CHRM3: variants seen among roughly 807,000 people sequenced by gnomAD.
The protein encoded by CHRM3 is muscarinic acetylcholine receptor M3.
Under a neutral mutation model 41.8 loss-of-function variants are expected in CHRM3, and 11 were observed. That is an observed-to-expected ratio of 0.26 (90% CI 0.17 to 0.44). CHRM3 has a LOEUF of 0.44. Among genes scored for constraint, CHRM3 ranks in the 20% least tolerant of loss-of-function variants. The pLI is 1.00. For missense variants in CHRM3, 571 were observed against 745.4 expected, an observed-to-expected ratio of 0.77 and a Z score of 2.72; for synonymous variants, 297 against 301.4, an observed-to-expected ratio of 0.99 and a Z score of 0.15.
chr1:239,457,964 A>G (rs902869043), intron 1 of CHRM3, among the ~76,000 whole-genome samples: 32 of 152,264 alleles, frequency 2.1e-4, no homozygotes, highest in African/African-American at 7.7e-4. Context: ...ATGGGAAGGT[A>G]GAAATTTGTG....
At chr1:239,709,782 TAA>T in intron 5 of CHRM3, among the ~76,000 whole-genome samples, 1 of 152,342 alleles carries the variant, frequency 6.6e-6, no homozygotes, top group East Asian at 1.9e-4. Context: ...AATTTGAAAT[TAA>T]AGAGATTAAC....
chr1:239,412,222 T>C (rs1661136418), intron 1 of CHRM3, among the ~76,000 whole-genome samples: 2 of 115,526 alleles, frequency 1.7e-5, no homozygotes, highest in East Asian at 5.9e-4. Context: ...TCCCACTCTT[T>C]TTCTCCCCTT....
At chr1:239,548,921 A>G (rs528884446) in intron 3 of CHRM3, among the ~76,000 whole-genome samples, 7 of 152,352 alleles carry the variant, frequency 4.6e-5, no homozygotes, top group East Asian at 3.9e-4. Context: ...TGCTGCTGAT[A>G]AAGACATACC....
intron 6 of CHRM3, among the ~76,000 whole-genome samples, chr1:239,850,436 G>A (rs7513513): frequency 0.031 from 4,756 of 152,038 alleles, 255 homozygotes; most frequent in African/African-American, 0.11. Flanking sequence ...AGGCACACTC[G>A]GTGTAATTTT....
intron 4 of CHRM3, among the ~76,000 whole-genome samples, chr1:239,654,240 A>G (rs1054560909): frequency 3.3e-5 from 5 of 152,156 alleles, no homozygotes; most frequent in Non-Finnish European, 7.3e-5. Flanking sequence ...AAATCCTGGG[A>G]TTACAGGTGC....
At chr1:239,605,432 G>A (rs1666130706) in intron 3 of CHRM3, among the ~76,000 whole-genome samples, 1 of 152,122 alleles carries the variant, frequency 6.6e-6, no homozygotes, top group Admixed American at 6.5e-5. Context: ...CACCATCTAG[G>A]TTTGCATAAA....
At chr1:239,631,191 C>T (rs934938410) in intron 3 of CHRM3, among the ~76,000 whole-genome samples, 2 of 152,286 alleles carry the variant, frequency 1.3e-5, no homozygotes, top group Admixed American at 1.3e-4. Flanking sequence ...ATATAAAATA[C>T]AAATCTATTT....
At chr1:239,639,517 T>C (rs1195541789) in intron 4 of CHRM3, among the ~76,000 whole-genome samples, 4 of 152,156 alleles carry the variant, frequency 2.6e-5, no homozygotes, top group African/African-American at 4.8e-5. Flanking sequence ...TTTATTGTCT[T>C]TGAATCAATT....
chr1:239,700,216 G>A (rs555023103), intron 5 of CHRM3, among the ~76,000 whole-genome samples: 1 of 152,178 alleles, frequency 6.6e-6, no homozygotes, highest in East Asian at 1.9e-4. Flanking sequence ...CCTGAGAACT[G>A]GGTGTGATAT....
At chr1:239,573,588 C>T (rs1662028855) in intron 3 of CHRM3, among the ~76,000 whole-genome samples, 1 of 152,004 alleles carries the variant, frequency 6.6e-6, no homozygotes, top group Non-Finnish European at 1.5e-5. Context: ...TATGCATAGT[C>T]TCATAGAACT....
intron 3 of CHRM3, among the ~76,000 whole-genome samples, chr1:239,584,358 C>T (rs903844649): frequency 1.3e-5 from 2 of 152,086 alleles, no homozygotes; most frequent in Admixed American, 1.3e-4. Flanking sequence ...CCCGCCTCAG[C>T]CTCCCAAAGT....
chr1:239,669,683 G>A (rs1032763156), intron 4 of CHRM3, among the ~76,000 whole-genome samples: 1 of 151,998 alleles, frequency 6.6e-6, no homozygotes, highest in Non-Finnish European at 1.5e-5. Context: ...ACATGACCAG[G>A]GGATAATAAC....
In CHRM3 at chr1:239,387,537, GGA is replaced by G. The variant is rs368753096; in HGVS notation, c.-521+316_-521+317del. On this transcript the variant is annotated intron_variant, in intron 1 of 6. Transcript: ENST00000676153. The surrounding 1 kb of genome is among the most constrained non-coding windows in gnomAD (Gnocchi z 5.1). The stretch of plus-strand genomic sequence containing the variant: ...ACGGGAATCATGCGAGCGGTGGCCG[GGA>G]GAGAGTCGGGGACGTCCCACCCCGC... 2.1e-4 allele frequency among the ~76,000 whole-genome samples: 32 copies of G among 152,120 alleles called. No homozygotes were observed. The highest frequency in any genetic ancestry group is 5.9e-4 in the East Asian group (3 of 5,100).
At chr1:239,757,484 G>T (rs1032841181) in intron 5 of CHRM3, among the ~76,000 whole-genome samples, 2 of 152,026 alleles carry the variant, frequency 1.3e-5, no homozygotes, top group African/African-American at 4.8e-5. Context: ...CAAAAAATTA[G>T]CCAGGCGTGG....
chr1:239,815,792 AC>A (rs1178763698), intron 5 of CHRM3, among the ~76,000 whole-genome samples: 1 of 152,168 alleles, frequency 6.6e-6, no homozygotes, highest in Non-Finnish European at 1.5e-5. Context: ...ATCTTGGAGC[AC>A]ATGGTGCCTC....
chr1:239,620,012 T>C (rs78633206), intron 3 of CHRM3, among the ~76,000 whole-genome samples: 7,290 of 152,248 alleles, frequency 0.048, 275 homozygotes, highest in South Asian at 0.17. Context: ...ATCAAGGAGC[T>C]TCAGGACTGG....
rs1163894224 is a variant in CHRM3, at chr1:239,909,627, TGG to T, written c.*405_*406del. 1.7e-5 allele frequency: 3 copies of T among 177,148 alleles called. No homozygotes were observed. Among genetic ancestry groups the T allele is most frequent in the Admixed American group, 1.2e-4 (2 of 16,548 alleles). The allele number at this position is 177,148 out of a possible 1,614,324, so 11.0% of individuals were successfully genotyped here. Reference sequence around the variant, plus strand: ...ACATTCTTCCCAAGGATCCCAAAAGTGGGAATCCAGACCCCAAGTGGAACACT... The same window carrying T: ...ACATTCTTCCCAAGGATCCCAAAAGTGAATCCAGACCCCAAGTGGAACACT... On this transcript the variant is annotated 3_prime_UTR_variant, in exon 7 of 7. Coordinates refer to ENST00000676153, the MANE Select transcript of CHRM3 (RefSeq NM_001375978.1).
chr1:239,574,008 G>T (rs866274072), intron 3 of CHRM3, among the ~76,000 whole-genome samples: 1 of 152,010 alleles, frequency 6.6e-6, no homozygotes, highest in African/African-American at 2.4e-5. Flanking sequence ...AATGCTCTTT[G>T]CCCTGTACAA....
chr1:239,640,014 G>A (rs1670929923), intron 4 of CHRM3, among the ~76,000 whole-genome samples: 1 of 151,974 alleles, frequency 6.6e-6, no homozygotes, highest in Admixed American at 6.6e-5. Flanking sequence ...TGCATCTATT[G>A]AGATAATCAT....
Sources: gnomAD v4.1 joint callset for allele counts (sites outside exome capture counted in the v4.1 genomes callset) on GRCh38, gnomAD v4.1.1 for gene constraint, Gnocchi (gnomAD v3.1) non-coding constraint, MANE v1.5 for transcripts, NCBI Gene and HGNC (gene_info 2026-07-23, HGNC 2026-07-21) for gene names.